Variants in TYW1 observed in about 807,000 individuals in gnomAD.
TYW1 encodes tRNA-yW synthesizing protein 1 homolog.
In TYW1, 46 loss-of-function variants were observed where a neutral mutation model predicts 96.2. That is an observed-to-expected ratio of 0.48 (90% CI 0.38 to 0.61). The LOEUF is 0.61. Ranked by LOEUF, TYW1 falls within the 20% of genes least tolerant of loss-of-function variation. TYW1 has a pLI of 0.00. For synonymous variants in TYW1, 274 were observed against 323.0 expected (o/e 0.85, Z 1.63); for missense variants, 684 against 909.6 (o/e 0.75, Z 3.19).
intron 13 of TYW1, among the ~76,000 whole-genome samples, chr7:67,142,521 C>T (rs186882662): frequency 3.9e-5 from 6 of 152,050 alleles, no homozygotes; most frequent in South Asian, 2.1e-4. Flanking sequence ...CTCTGCCTCC[C>T]GGGTTCAAGA....
chr7:67,213,848 C>G (rs1269953073), intron 15 of TYW1, among the ~76,000 whole-genome samples: 2 of 152,112 alleles, frequency 1.3e-5, no homozygotes, highest in Non-Finnish European at 1.5e-5. Context: ...TATTTCTGGC[C>G]TTTCTATTCC....
chr7:67,095,010 T>G (rs1796848865), intron 11 of TYW1, among the ~76,000 whole-genome samples: 1 of 151,596 alleles, frequency 6.6e-6, no homozygotes, highest in Non-Finnish European at 1.5e-5. Context: ...ATGATTTTTT[T>G]TTTTTCCAGA....
chr7:67,014,608 C>T, intron 5 of TYW1, 47 bp downstream of exon 5: 2 of 1,561,088 alleles, frequency 1.3e-6, no homozygotes, highest in East Asian at 2.3e-5. Flanking sequence ...CATAAACACA[C>T]ACACACGCAC....
intron 13 of TYW1, among the ~76,000 whole-genome samples, chr7:67,158,385 G>A (rs1273097586): frequency 6.6e-6 from 1 of 151,168 alleles, no homozygotes; most frequent in African/African-American, 2.4e-5. Flanking sequence ...ACCATGCCTG[G>A]CCTGCTAAGG....
chr7:67,221,292 T>C (rs1189433176), intron 15 of TYW1, among the ~76,000 whole-genome samples: 4 of 152,228 alleles, frequency 2.6e-5, no homozygotes. Context: ...TTTTCTTTGA[T>C]ATTAGTAGAG....
intron 13 of TYW1, among the ~76,000 whole-genome samples, chr7:67,145,794 G>T (rs545935259): frequency 6.6e-6 from 1 of 151,914 alleles, no homozygotes; most frequent in East Asian, 1.9e-4. Context: ...TTGCTCTGTT[G>T]CCCAGGCTGG....
intron 13 of TYW1, among the ~76,000 whole-genome samples, chr7:67,153,506 A>G (rs1798868148): frequency 1.3e-5 from 2 of 152,256 alleles, no homozygotes; most frequent in South Asian, 4.1e-4. Context: ...GTAGATGTAT[A>G]TTTGTACATA....
intron 6 of TYW1, among the ~76,000 whole-genome samples, chr7:67,019,585 C>G (rs569840630): frequency 1.3e-5 from 2 of 152,264 alleles, no homozygotes; most frequent in Non-Finnish European, 1.5e-5. Context: ...ATCTTGGCCT[C>G]GGACAGCGCT....
chr7:67,055,096 C>A (rs1175789090), intron 8 of TYW1, among the ~76,000 whole-genome samples: 1 of 152,066 alleles, frequency 6.6e-6, no homozygotes, highest in Non-Finnish European at 1.5e-5. Context: ...TGTTTTATGG[C>A]CCAGCATACC....
At chr7:67,186,829 A>G (rs115393934) in intron 14 of TYW1, among the ~76,000 whole-genome samples, 4 of 152,058 alleles carry the variant, frequency 2.6e-5, no homozygotes, top group Non-Finnish European at 2.9e-5. Flanking sequence ...TTTTCTTTCA[A>G]AATTTCCATT....
intron 13 of TYW1, among the ~76,000 whole-genome samples, chr7:67,153,925 C>CTTTTTT (rs34003922): frequency 5.2e-4 from 68 of 130,334 alleles, no homozygotes; most frequent in East Asian, 1.4e-3. Context: ...TAACGACTTT[C>CTTTTTT]TTTTTTTTTT....
chr7:67,040,156 C>A (rs1199732289), intron 7 of TYW1, among the ~76,000 whole-genome samples: 1 of 152,026 alleles, frequency 6.6e-6, no homozygotes, highest in Admixed American at 6.6e-5. Context: ...GGGGTTTTTA[C>A]CGTGTTGGCC....
chr7:67,176,422 A>G lies in TYW1; in HGVS notation c.1699-6704A>G, dbSNP rs1011248906. On this transcript the variant is annotated intron_variant, in intron 13 of 15. Transcript: ENST00000359626. ...TGAATTGAGCCGTGCTGTGCATTGG[A>G]ATTTAAAGACTACACTTGATCTTAG... Among the ~76,000 whole-genome samples the G allele has an allele frequency of 3.0e-4, 45 of 152,328 alleles. 2 individuals carry two copies. The highest frequency in any genetic ancestry group is 1.1e-3 in the African/African-American group (44 of 41,556).
At position 66,998,071 on chromosome 7, in the gene TYW1, C is replaced by T. The variant is rs1230092470; in HGVS notation, c.11C>T (p.Ser4Phe). ...TGTGTCATTTTAAATTTAGATCCTT[C>T]TGCGGATACATGGGACCTCTTCTCA... MDP[S>F]ADTWDLFSPL... Residue 4 changes from serine to phenylalanine, a missense_variant, in exon 2 of 16, where the codon TCT (serine) becomes TTT (phenylalanine). Coordinates refer to ENST00000359626, the MANE Select transcript of TYW1 (RefSeq NM_018264.4). 1.5e-5 allele frequency: 24 copies of T among 1,590,172 alleles called. No individual in the cohort carries two copies. The highest frequency in any genetic ancestry group is 2.0e-5 in the Non-Finnish European group (24 of 1,172,644).
intron 13 of TYW1, among the ~76,000 whole-genome samples, chr7:67,141,118 A>G (rs1368646319): frequency 6.6e-6 from 1 of 152,122 alleles, no homozygotes; most frequent in Non-Finnish European, 1.5e-5. Flanking sequence ...ATCTTTATTC[A>G]TTTATTTTTC....
rs189873707 is a variant in TYW1 at position 67,192,080 on chromosome 7, G to A, written c.1810-3090G>A. Reference sequence around the variant, plus strand: ...CCAGCCAATTTTTGTATTTTTAATAGAGACAGGGTTTCACCATGTCGGCAA... The same window carrying A: ...CCAGCCAATTTTTGTATTTTTAATAAAGACAGGGTTTCACCATGTCGGCAA... On this transcript the variant is annotated intron_variant, in intron 14 of 15. Transcript: ENST00000359626. Among the ~76,000 whole-genome samples the A allele has an allele frequency of 2.8e-3, 421 of 152,076 alleles. 4 individuals are homozygous for A. Among genetic ancestry groups the A allele is most frequent in the African/African-American group, 9.7e-3 (400 of 41,450 alleles).
At position 67,110,552 on chromosome 7, in the gene TYW1, C is replaced by T. The variant is rs183771129; in HGVS notation, c.1563-6931C>T. Among the ~76,000 whole-genome samples the T allele has an allele frequency of 1.1e-3, 172 of 152,206 alleles. 1 individual carries two copies. Among genetic ancestry groups the T allele is most frequent in the African/African-American group, 4.0e-3 (165 of 41,542 alleles). ...AGTGGCCAAACACAACAATGAATATCGAATTTACCAAATTATTTCAGCAAA... is the reference window on the plus strand; with the variant it reads ...AGTGGCCAAACACAACAATGAATATTGAATTTACCAAATTATTTCAGCAAA... On this transcript the variant is annotated intron_variant, in intron 12 of 15. Transcript: ENST00000359626.
chr7:67,232,135 G>A (rs1249837507), intron 15 of TYW1, among the ~76,000 whole-genome samples: 1 of 151,824 alleles, frequency 6.6e-6, no homozygotes, highest in African/African-American at 2.4e-5. Context: ...GGAGGCTGAG[G>A]CAGGAGAATC....
At chr7:67,005,420 ACT>A (rs2129238066) in intron 3 of TYW1, among the ~76,000 whole-genome samples, 2 of 152,124 alleles carry the variant, frequency 1.3e-5, no homozygotes, top group South Asian at 4.1e-4. Context: ...ACATGGCAAA[ACT>A]CTATCTCTAC....
Sources: allele counts gnomAD v4.1 joint callset (sites outside exome capture counted in the v4.1 genomes callset), GRCh38; gene constraint gnomAD v4.1.1; transcripts MANE v1.5; gene names NCBI Gene and HGNC (gene_info 2026-07-23, HGNC 2026-07-21).